HS3ST4: variants seen among roughly 807,000 people sequenced by gnomAD.
HS3ST4 encodes the protein heparan sulfate glucosamine 3-O-sulfotransferase 4.
HS3ST4 carries 17 observed loss-of-function variants against 29.2 expected under a neutral mutation model. The ratio of observed to expected loss-of-function variants is 0.58; its 90% CI spans 0.40 to 0.87. HS3ST4 has a LOEUF of 0.87. Among genes scored for constraint, HS3ST4 ranks in the 40% least tolerant of loss-of-function variants. The probability of loss-of-function intolerance (pLI) is 0.00; values close to 1 mark genes in which losing one functional copy is unlikely to be tolerated. For synonymous variants in HS3ST4, 314 were observed against 285.7 expected, an observed-to-expected ratio of 1.10 and a Z score of -1.00; for missense variants, 627 against 634.5, an observed-to-expected ratio of 0.99 and a Z score of 0.13.
chr16:25,857,940 C>CTT (rs1385399955), intron 1 of HS3ST4, among the ~76,000 whole-genome samples: 14 of 50,290 alleles, frequency 2.8e-4, no homozygotes, highest in African/African-American at 1.6e-3. Flanking sequence ...TTCTTTCTTT[C>CTT]TTTCTTTCTT....
At chr16:25,774,197 G>T (rs963024929) in intron 1 of HS3ST4, among the ~76,000 whole-genome samples, 1 of 152,174 alleles carries the variant, frequency 6.6e-6, no homozygotes, top group African/African-American at 2.4e-5. Context: ...TTTAATATTT[G>T]GTAAGCGTGA....
At chr16:25,924,754 A>C (rs1968386393) in intron 1 of HS3ST4, among the ~76,000 whole-genome samples, 1 of 152,184 alleles carries the variant, frequency 6.6e-6, no homozygotes, top group South Asian at 2.1e-4. Flanking sequence ...CTTGAAGTGC[A>C]CTTGCTTCTG....
intron 1 of HS3ST4, among the ~76,000 whole-genome samples, chr16:25,810,811 T>C (rs186121001): frequency 2.0e-5 from 3 of 152,372 alleles, no homozygotes; most frequent in African/African-American, 4.8e-5. Context: ...GTATAAATTA[T>C]GCATCACATA....
chr16:25,795,528 A>G (rs1474124645), intron 1 of HS3ST4, among the ~76,000 whole-genome samples: 5 of 152,348 alleles, frequency 3.3e-5, no homozygotes, highest in Middle Eastern at 3.4e-3. Flanking sequence ...ATCAAAGTTC[A>G]AAGTGAGTCT....
At chr16:25,948,138 G>C (rs1288434474) in intron 1 of HS3ST4, among the ~76,000 whole-genome samples, 1 of 152,166 alleles carries the variant, frequency 6.6e-6, no homozygotes, top group Admixed American at 6.5e-5. Context: ...AGCTCCGACA[G>C]TCTCAAGGTC....
intron 1 of HS3ST4, among the ~76,000 whole-genome samples, chr16:25,911,168 A>G (rs1410872492): frequency 3.3e-5 from 5 of 152,158 alleles, no homozygotes; most frequent in Non-Finnish European, 5.9e-5. Context: ...AGTCAACCAG[A>G]TAAGTGTTAT....
chr16:26,095,419 TCA>T (rs1168436841), intron 1 of HS3ST4, among the ~76,000 whole-genome samples: 3 of 152,204 alleles, frequency 2.0e-5, no homozygotes, highest in Non-Finnish European at 4.4e-5. Flanking sequence ...AAACTGTCTC[TCA>T]GACCACAGTG....
chr16:26,081,003 A>C (rs1898717131), intron 1 of HS3ST4, among the ~76,000 whole-genome samples: 2 of 152,160 alleles, frequency 1.3e-5, no homozygotes, highest in African/African-American at 4.8e-5. Flanking sequence ...ATCTGAATTT[A>C]GGCTGGGCAC....
chr16:26,074,799 T>C (rs183878079), intron 1 of HS3ST4, among the ~76,000 whole-genome samples: 218 of 152,312 alleles, frequency 1.4e-3, no homozygotes, highest in African/African-American at 5.0e-3. Context: ...CCATGTTCTC[T>C]ATATATGTGA....
intron 1 of HS3ST4, among the ~76,000 whole-genome samples, chr16:25,749,615 C>T (rs968684511): frequency 2.0e-5 from 3 of 152,084 alleles, no homozygotes; most frequent in African/African-American, 4.8e-5. Context: ...CTGCCTTAGT[C>T]CTTCTATGTG....
intron 1 of HS3ST4, among the ~76,000 whole-genome samples, chr16:25,947,093 G>A (rs937847937): frequency 6.6e-6 from 1 of 152,090 alleles, no homozygotes; most frequent in African/African-American, 2.4e-5. Context: ...ATGGGGAGTG[G>A]AGCTAGTGAC....
At chr16:25,805,593 C>G (rs1165800085) in intron 1 of HS3ST4, among the ~76,000 whole-genome samples, 1 of 152,180 alleles carries the variant, frequency 6.6e-6, no homozygotes, top group Non-Finnish European at 1.5e-5. Flanking sequence ...CCTTGATGTG[C>G]TGGCTACTGA....
intron 1 of HS3ST4, among the ~76,000 whole-genome samples, chr16:25,698,407 T>C (rs1966313646): frequency 6.6e-6 from 1 of 152,014 alleles, no homozygotes; most frequent in East Asian, 1.9e-4. Context: ...CCCTACAGAG[T>C]GTCCTTTCTT....
chr16:25,995,213 A>G (rs1413720791), intron 1 of HS3ST4, among the ~76,000 whole-genome samples: 1 of 152,188 alleles, frequency 6.6e-6, no homozygotes, highest in Non-Finnish European at 1.5e-5. Context: ...ACATTAATCA[A>G]GATGTTTCCT....
chr16:26,019,587 T>C (rs1969392259), intron 1 of HS3ST4, among the ~76,000 whole-genome samples: 1 of 152,136 alleles, frequency 6.6e-6, no homozygotes, highest in South Asian at 2.1e-4. Context: ...TGATGGGGAC[T>C]GGCAATGGAT....
rs1389947362 is a variant in HS3ST4, at chr16:26,099,395, A to G, written c.735-36217A>G. ...GGTCTCAAACTCCTATCCTTAAGCA[A>G]TCTTCATGCCTCCACCTCAAAAAGT... On this transcript the variant is annotated intron_variant, in intron 1 of 1. Coordinates refer to ENST00000331351, the MANE Select transcript of HS3ST4 (RefSeq NM_006040.3). Among the ~76,000 whole-genome samples the G allele has an allele frequency of 2.0e-5, 3 of 152,128 alleles. No individual in the cohort carries two copies. In the East Asian group the frequency reaches 5.8e-4, roughly 29 times the overall value.
At chr16:25,951,079 G>C (rs1255702265) in intron 1 of HS3ST4, among the ~76,000 whole-genome samples, 1 of 152,158 alleles carries the variant, frequency 6.6e-6, no homozygotes, top group Admixed American at 6.6e-5. Context: ...CCCTCCTTCT[G>C]TAAACACTGA....
intron 1 of HS3ST4, among the ~76,000 whole-genome samples, chr16:25,733,930 A>G (rs1244788461): frequency 6.6e-6 from 1 of 152,220 alleles, no homozygotes; most frequent in Admixed American, 6.5e-5. Context: ...CAACCTGACC[A>G]ATATGATGAA....
intron 1 of HS3ST4, among the ~76,000 whole-genome samples, chr16:25,965,999 T>C (rs1194964456): frequency 2.0e-5 from 3 of 152,196 alleles, no homozygotes; most frequent in Non-Finnish European, 4.4e-5. Flanking sequence ...TAATTTAACA[T>C]TGTATCTCTA....
Sources: gnomAD v4.1 joint callset for allele counts (sites outside exome capture counted in the v4.1 genomes callset) on GRCh38, gnomAD v4.1.1 for gene constraint, MANE v1.5 for transcripts, NCBI Gene and HGNC (gene_info 2026-07-23, HGNC 2026-07-21) for gene names.